LVRN: variants seen among roughly 807,000 people sequenced by gnomAD.
The protein encoded by LVRN is aminopeptidase Q.
Under a neutral mutation model 111.4 loss-of-function variants are expected in LVRN, and 99 were observed. The ratio of observed to expected loss-of-function variants is 0.89; its 90% CI spans 0.76 to 1.05. The LOEUF (loss-of-function observed/expected upper bound fraction) is 1.05, where lower values mean the gene tolerates loss of function less well. Among genes scored for constraint, LVRN ranks in the 50% least tolerant of loss-of-function variants. The probability of loss-of-function intolerance (pLI) is 0.00; values close to 1 mark genes in which losing one functional copy is unlikely to be tolerated. For missense variants in LVRN, 1,414 were observed against 1,206.8 expected, an observed-to-expected ratio of 1.17 and a Z score of -2.54; for synonymous variants, 488 against 449.5, an observed-to-expected ratio of 1.09 and a Z score of -1.08.
At chr5:115,999,342 T>A (rs1384101210) in intron 6 of LVRN, among the ~76,000 whole-genome samples, 1 of 152,186 alleles carries the variant, frequency 6.6e-6, no homozygotes, top group African/African-American at 2.4e-5. Context: ...AGTTTGTAGA[T>A]CTGGCATGCT....
intron 2 of LVRN, 94 bp from the exon 3 acceptor site, chr5:115,984,476 G>C: frequency 7.0e-7 from 1 of 1,421,866 alleles, no homozygotes; most frequent in Non-Finnish European, 9.6e-7. Flanking sequence ...TAGCTGGAAA[G>C]GAGTAGCTGG....
At chr5:116,015,874 C>A in intron 18 of LVRN, 109 bp downstream of exon 18, 1 of 1,350,272 alleles carries the variant, frequency 7.4e-7, no homozygotes, top group South Asian at 1.6e-5. Flanking sequence ...AGGCCACAAA[C>A]GTCCTTTGCA....
Position 116,015,436 on chromosome 5 carries a change from T to C in LVRN, c.2618+17T>C. 6.4e-7 allele frequency: 1 copy of C among 1,552,320 alleles called. No individual in the cohort carries two copies. Among genetic ancestry groups the C allele is most frequent in the Non-Finnish European group, 8.7e-7 (1 of 1,155,202 alleles). ...ACTTAACAGGTGATTATGGTCAACT[T>C]ACCTTGAAAGTTTCTGTTATAGGAA... On this transcript the variant is annotated intron_variant, in intron 17 of 19. Coordinates refer to ENST00000357872, the MANE Select transcript of LVRN (RefSeq NM_173800.5).
At chr5:115,967,767 C>A (rs1255968646) in intron 1 of LVRN, among the ~76,000 whole-genome samples, 3 of 152,100 alleles carry the variant, frequency 2.0e-5, no homozygotes, top group Non-Finnish European at 2.9e-5. Flanking sequence ...TTGATTTCAT[C>A]AGAATTTTAT....
At chr5:115,967,876 G>A (rs767706107) in intron 1 of LVRN, among the ~76,000 whole-genome samples, 5 of 151,952 alleles carry the variant, frequency 3.3e-5, no homozygotes, top group South Asian at 2.1e-4. Flanking sequence ...TTTAATTTTG[G>A]TTTTCTACAT....
At position 116,026,349 on chromosome 5, in the gene LVRN, T is replaced by C. The variant is rs940375491; in HGVS notation, c.*231T>C. The C allele has an allele frequency of 1.1e-5, 6 of 538,680 alleles. No individual in the cohort carries two copies. The highest frequency in any genetic ancestry group is 1.6e-5 in the Non-Finnish European group (5 of 306,528). The allele number at this position is 538,680 out of a possible 1,614,324, so 33.4% of individuals were successfully genotyped here. A position where few individuals can be genotyped will look rare whatever the true frequency, so the allele number is the denominator to read the frequency against. ...TTTCTGGGAAAGATGTCACTTCATG[T>C]TGGGTTATAATCCCACAGAATTTAC... On this transcript the variant is annotated 3_prime_UTR_variant, in exon 20 of 20. Coordinates refer to ENST00000357872, the MANE Select transcript of LVRN (RefSeq NM_173800.5).
At position 115,992,170 on chromosome 5, in the gene LVRN, G is replaced by A. The variant is rs1276409713; in HGVS notation, c.1153G>A (p.Gly385Arg). The change falls in exon 5 of 20, where the codon GGA (glycine) becomes AGA (arginine). Residue 385 changes from glycine to arginine, a missense_variant. Physicochemically the swap from Gly to Arg is moderately radical, Grantham distance 125. Transcript: ENST00000357872. The stretch of plus-strand genomic sequence containing the variant: ...TGACAACCATGCAATGGAAAACTGG[G>A]GACTAATGATATTTGATGAATCAGG... ...SFDNHAMENW[G>R]LMIFDESGLL... The A allele has an allele frequency of 3.1e-6, 5 of 1,613,608 alleles. No homozygotes were observed. Among genetic ancestry groups the A allele is most frequent in the South Asian group, 1.1e-5 (1 of 91,018 alleles).
intron 1 of LVRN, among the ~76,000 whole-genome samples, chr5:115,981,774 C>T (rs1174894617): frequency 6.6e-6 from 1 of 152,170 alleles, no homozygotes; most frequent in East Asian, 1.9e-4. Flanking sequence ...GATTTCCAAG[C>T]ATCCATTCCA....
At chr5:115,983,456 A>C (rs767621185) in intron 2 of LVRN, 27 bp downstream of exon 2, 6 of 1,571,362 alleles carry the variant, frequency 3.8e-6, no homozygotes, top group Non-Finnish European at 5.2e-6. Context: ...GTCTATATCT[A>C]GCTGTCTATC....
At chr5:115,969,121 T>C (rs988905333) in intron 1 of LVRN, among the ~76,000 whole-genome samples, 2 of 152,214 alleles carry the variant, frequency 1.3e-5, no homozygotes, top group African/African-American at 4.8e-5. Context: ...CAATATAGCC[T>C]TTGTGTACAG....
At chr5:115,969,861 T>C (rs1753285560) in intron 1 of LVRN, among the ~76,000 whole-genome samples, 1 of 151,930 alleles carries the variant, frequency 6.6e-6, no homozygotes, top group African/African-American at 2.4e-5. Flanking sequence ...TTCTTATATC[T>C]TTCATACCAT....
At position 115,987,871 on chromosome 5, in the gene LVRN, A is replaced by G. The variant is rs76998001; in HGVS notation, c.1037A>G (p.Asn346Ser). ...IANGSADFALNITGPIFSFLE... is the reference protein window; with the variant it reads ...IANGSADFALSITGPIFSFLE... ...AATGGAAGTGCAGACTTTGCTTTGA[A>G]CATCACAGGTCCCATCTTCTCTTTT... Residue 346 changes from asparagine to serine, a missense_variant, in exon 4 of 20, where the codon AAC (asparagine) becomes AGC (serine). Coordinates refer to ENST00000357872, the MANE Select transcript of LVRN (RefSeq NM_173800.5). The G allele has an allele frequency of 1.2e-6, 2 of 1,613,518 alleles. No homozygotes were observed. Among genetic ancestry groups the G allele is most frequent in the East Asian group, 2.2e-5 (1 of 44,830 alleles).
intron 9 of LVRN, 143 bp from the exon 10 acceptor site, chr5:116,000,923 TA>T: frequency 2.3e-6 from 2 of 884,088 alleles, no homozygotes; most frequent in Non-Finnish European, 3.4e-6. Context: ...AACAGAGTTC[TA>T]AATTTGCCCC....
chr5:115,984,462 G>T, intron 2 of LVRN, 108 bp from the exon 3 acceptor site: 1 of 1,328,154 alleles, frequency 7.5e-7, no homozygotes. Flanking sequence ...TAGACTATGA[G>T]GAATAGCTGG....
chr5:115,993,872 G>C lies in LVRN; in HGVS notation c.1374+18G>C, dbSNP rs148265367. On this transcript the variant is annotated intron_variant, in intron 6 of 19. Transcript: ENST00000357872. ...TCCCAAGAGTAAGTATGTTTACTAA[G>C]TTTATTTAACATTTTTCTCCTAATT... The C allele has an allele frequency of 1.4e-3, 2,027 of 1,430,560 alleles. 25 individuals are homozygous for C. The African/African-American group carries it at 0.026, about 18-fold the overall frequency. 88.6% of individuals were successfully genotyped at this position (1,430,560 alleles called of 1,614,324 possible).
chr5:115,996,205 A>G (rs1428343386), intron 6 of LVRN, among the ~76,000 whole-genome samples: 4 of 152,144 alleles, frequency 2.6e-5, no homozygotes, highest in East Asian at 1.9e-4. Flanking sequence ...AATTTACTCT[A>G]TTTTCTTAAG....
chr5:116,013,201 G>A (rs1419415285), intron 15 of LVRN, among the ~76,000 whole-genome samples: 3 of 152,128 alleles, frequency 2.0e-5, no homozygotes, highest in African/African-American at 7.2e-5. Flanking sequence ...AATATACAAA[G>A]TATGATTATT....
chr5:116,007,726 A>G (rs1445741299), intron 13 of LVRN, among the ~76,000 whole-genome samples: 1 of 152,188 alleles, frequency 6.6e-6, no homozygotes, highest in South Asian at 2.1e-4. Flanking sequence ...ATTTGTTACA[A>G]ATTGAAGATT....
At chr5:115,972,931 A>AT (rs112948239) in intron 1 of LVRN, among the ~76,000 whole-genome samples, 1,567 of 143,334 alleles carry the variant, frequency 0.011, 8 homozygotes, top group Middle Eastern at 0.037. Flanking sequence ...CTAGCCTTGC[A>AT]TTTTTTTTTT....
Sources: allele counts gnomAD v4.1 joint callset (sites outside exome capture counted in the v4.1 genomes callset), GRCh38; gene constraint gnomAD v4.1.1; transcripts MANE v1.5; gene names NCBI Gene and HGNC (gene_info 2026-07-23, HGNC 2026-07-21).